Variants in SLC26A8 observed in about 807,000 individuals in gnomAD.
SLC26A8 encodes the protein testis anion transporter 1.
Under a neutral mutation model 105.0 loss-of-function variants are expected in SLC26A8, and 70 were observed. The ratio of observed to expected loss-of-function variants is 0.67; its 90% confidence interval spans 0.55 to 0.81. The LOEUF is 0.81. Ranked by LOEUF, SLC26A8 falls within the 40% of genes least tolerant of loss-of-function variation. The pLI is 0.00. For synonymous variants in SLC26A8, 415 were observed against 438.3 expected (o/e 0.95, Z 0.66); for missense variants, 998 against 1,181.8 (o/e 0.84, Z 2.28).
intron 5 of SLC26A8, among the ~76,000 whole-genome samples, chr6:35,994,670 G>A (rs1761299014): frequency 6.6e-6 from 1 of 150,626 alleles, no homozygotes; most frequent in African/African-American, 2.4e-5. Flanking sequence ...GTGCCTCCCA[G>A]GTTCAGGTGA....
chr6:36,012,628 A>G (rs765776492), intron 2 of SLC26A8, among the ~76,000 whole-genome samples: 1 of 152,308 alleles, frequency 6.6e-6, no homozygotes. Flanking sequence ...TGTGACAGCT[A>G]ACAATAACAA....
intron 16 of SLC26A8, among the ~76,000 whole-genome samples, chr6:35,956,428 CAAAAAAA>C (rs56146863): frequency 2.8e-5 from 3 of 105,886 alleles, no homozygotes; most frequent in East Asian, 2.7e-4. Flanking sequence ...ACCTTATGTC[CAAAAAAA>C]AAAAAAAAAA....
chr6:35,986,749 CT>C (rs141849133), intron 7 of SLC26A8, among the ~76,000 whole-genome samples: 19 of 150,554 alleles, frequency 1.3e-4, no homozygotes, highest in East Asian at 3.9e-4. Context: ...GAAGGATTTC[CT>C]TTTTTTTTAA....
chr6:35,990,995 A>G (rs1157345699), intron 7 of SLC26A8, among the ~76,000 whole-genome samples: 1 of 152,204 alleles, frequency 6.6e-6, no homozygotes, highest in African/African-American at 2.4e-5. Context: ...CTATTGTGCT[A>G]TTGTGACTAT....
chr6:36,004,074 CTT>C (rs1184419646), intron 3 of SLC26A8, among the ~76,000 whole-genome samples: 2,028 of 114,330 alleles, frequency 0.018, 28 homozygotes, highest in African/African-American at 0.06. Flanking sequence ...TTTATTTCTG[CTT>C]TTTTTTTTTT....
chr6:35,988,141 C>T (rs1464312315), intron 7 of SLC26A8, among the ~76,000 whole-genome samples: 1 of 151,726 alleles, frequency 6.6e-6, no homozygotes, highest in Non-Finnish European at 1.5e-5. Context: ...GAATTCCTGA[C>T]CTCAGGTGGT....
intron 1 of SLC26A8, among the ~76,000 whole-genome samples, chr6:36,020,736 GT>G (rs1157502862): frequency 2.6e-5 from 4 of 152,156 alleles, no homozygotes; most frequent in African/African-American, 9.7e-5. Context: ...AATAATCTAT[GT>G]TTTTGAACAA....
intron 10 of SLC26A8, among the ~76,000 whole-genome samples, chr6:35,972,245 T>C (rs1011026049): frequency 6.6e-6 from 1 of 152,094 alleles, no homozygotes; most frequent in African/African-American, 2.4e-5. Context: ...TTTGAAGAAA[T>C]AGGGACATTC....
intron 5 of SLC26A8, among the ~76,000 whole-genome samples, chr6:35,994,411 G>A (rs1254318901): frequency 6.6e-6 from 1 of 151,952 alleles, no homozygotes; most frequent in Non-Finnish European, 1.5e-5. Flanking sequence ...ACTGCGCCCT[G>A]CCAACTGTCT....
chr6:36,020,976 C>T (rs929508435), intron 1 of SLC26A8, among the ~76,000 whole-genome samples: 19 of 152,226 alleles, frequency 1.2e-4, no homozygotes, highest in Admixed American at 4.6e-4. Context: ...TATCCTATGC[C>T]ATGCATTGCA....
At chr6:36,001,623 A>G (rs1761525933) in intron 3 of SLC26A8, among the ~76,000 whole-genome samples, 1 of 152,216 alleles carries the variant, frequency 6.6e-6, no homozygotes, top group African/African-American at 2.4e-5. Flanking sequence ...GTGGCTTCAA[A>G]GGTTTGTAAT....
intron 5 of SLC26A8, among the ~76,000 whole-genome samples, chr6:35,995,853 A>G (rs899511965): frequency 3.3e-5 from 5 of 152,128 alleles, no homozygotes; most frequent in African/African-American, 7.2e-5. Context: ...TTGAAGGAGA[A>G]GAGAAAGCAT....
intron 16 of SLC26A8, among the ~76,000 whole-genome samples, chr6:35,956,657 C>T (rs545472050): frequency 1.3e-5 from 2 of 152,032 alleles, no homozygotes; most frequent in Admixed American, 6.6e-5. Context: ...TGGTGGCTCA[C>T]ACCTGTAATC....
intron 3 of SLC26A8, among the ~76,000 whole-genome samples, chr6:36,001,753 G>A (rs1761528942): frequency 6.6e-6 from 1 of 152,124 alleles, no homozygotes. Context: ...TTTTTATTTT[G>A]TATTGGGCCC....
intron 2 of SLC26A8, among the ~76,000 whole-genome samples, chr6:36,018,911 T>C (rs1211714863): frequency 6.6e-6 from 1 of 152,028 alleles, no homozygotes; most frequent in Non-Finnish European, 1.5e-5. Flanking sequence ...CATTAATCAG[T>C]CCACCATGGC....
At chr6:36,004,376 A>G (rs1761621501) in intron 3 of SLC26A8, among the ~76,000 whole-genome samples, 1 of 152,170 alleles carries the variant, frequency 6.6e-6, no homozygotes, top group Admixed American at 6.5e-5. Flanking sequence ...GCACCTAAGC[A>G]TAACTGATTG....
chr6:35,978,146 GAA>G (rs199662420), intron 8 of SLC26A8, among the ~76,000 whole-genome samples: 4,383 of 65,690 alleles, frequency 0.067, 225 homozygotes, highest in African/African-American at 0.19. Flanking sequence ...AGCACAAGAA[GAA>G]AAAAAAAAAA....
At chr6:35,994,649 C>G (rs1051308617) in intron 5 of SLC26A8, among the ~76,000 whole-genome samples, 1 of 149,734 alleles carries the variant, frequency 6.7e-6, no homozygotes, top group Non-Finnish European at 1.5e-5. Context: ...AATCTTGGCT[C>G]ACTGCAACCT....
intron 4 of SLC26A8, 61 bp from the exon 5 acceptor site, chr6:35,997,980 A>G (rs1581681513): frequency 2.0e-6 from 3 of 1,480,454 alleles, no homozygotes; most frequent in Non-Finnish European, 1.9e-6. Flanking sequence ...TGATATTGAC[A>G]AAAGCAAGGT....
Sources: allele counts gnomAD v4.1 joint callset (sites outside exome capture counted in the v4.1 genomes callset), GRCh38; gene constraint gnomAD v4.1.1; transcripts MANE v1.5; gene names NCBI Gene and HGNC (gene_info 2026-07-23, HGNC 2026-07-21).